Variants in CC2D2B observed in about 807,000 individuals in gnomAD.
CC2D2B encodes protein CC2D2B.
Under a neutral mutation model 161.2 loss-of-function variants are expected in CC2D2B, and 128 were observed. That is an observed-to-expected ratio of 0.79 (90% confidence interval 0.69 to 0.92). The LOEUF (loss-of-function observed/expected upper bound fraction) is 0.92. Among genes scored for constraint, CC2D2B ranks in the 40% least tolerant of loss-of-function variants. The pLI, the probability that CC2D2B is intolerant of heterozygous loss-of-function variation, is 0.00. For synonymous variants in CC2D2B, 391 were observed against 449.8 expected (o/e 0.87, Z 1.65); for missense variants, 1,173 against 1,375.1 (o/e 0.85, Z 2.32).
chr10:95,964,583 A>T (rs2076876813), intron 12 of CC2D2B, among the ~76,000 whole-genome samples: 2 of 152,154 alleles, frequency 1.3e-5, no homozygotes, highest in African/African-American at 2.4e-5. Context: ...TACTTAAATT[A>T]GTGCATTTAA....
chr10:96,008,613 C>T (rs2078858234), intron 25 of CC2D2B, among the ~76,000 whole-genome samples: 1 of 152,100 alleles, frequency 6.6e-6, no homozygotes, highest in African/African-American at 2.4e-5. Context: ...GGTGGTTTCT[C>T]ATTGTAGCTC....
chr10:96,025,176 TATATATATA>T (rs1564684030), intron 33 of CC2D2B, among the ~76,000 whole-genome samples: 15 of 10,274 alleles, frequency 1.5e-3, no homozygotes, highest in East Asian at 7.1e-3. Flanking sequence ...TATATATATA[TATATATATA>T]AAAAAAAATA....
intron 32 of CC2D2B, among the ~76,000 whole-genome samples, chr10:96,022,969 C>T (rs1008832362): frequency 2.0e-5 from 3 of 152,018 alleles, no homozygotes; most frequent in Non-Finnish European, 1.5e-5. Flanking sequence ...AGAATGGTCC[C>T]GACAGATAGC....
At chr10:95,934,791 G>A (rs1195889959) in intron 6 of CC2D2B, among the ~76,000 whole-genome samples, 5 of 152,312 alleles carry the variant, frequency 3.3e-5, no homozygotes, top group Non-Finnish European at 2.9e-5. Context: ...GGCCTTCTGC[G>A]TTAGTCTTGC....
intron 18 of CC2D2B, among the ~76,000 whole-genome samples, chr10:95,983,017 C>G (rs2077588379): frequency 6.6e-6 from 1 of 152,104 alleles, no homozygotes; most frequent in African/African-American, 2.4e-5. Context: ...GGTGATCCAC[C>G]TGCCATGGCC....
Position 96,032,594 on chromosome 10 carries a change from C to T in CC2D2B, c.*586C>T, listed in dbSNP as rs565003863. Reference sequence around the variant, plus strand: ...GATACAATTTCAGATGGAAGCTGCTCGAGTGGAAAACTAAGGTCATTGCCT... The same window carrying T: ...GATACAATTTCAGATGGAAGCTGCTTGAGTGGAAAACTAAGGTCATTGCCT... On this transcript the variant is annotated 3_prime_UTR_variant, in exon 35 of 35. Transcript: ENST00000646931. The T allele has an allele frequency of 9.7e-5, 31 of 320,632 alleles. No individual in the cohort carries two copies. The highest frequency in any genetic ancestry group is 6.1e-4 in the African/African-American group (28 of 46,026). The allele number at this position is 320,632 out of a possible 1,614,324, so 19.9% of individuals were successfully genotyped here.
intron 6 of CC2D2B, 71 bp from the exon 7 acceptor site, chr10:95,937,920 A>C: frequency 1.1e-6 from 1 of 912,406 alleles, no homozygotes; most frequent in Non-Finnish European, 1.7e-6. Flanking sequence ...GTTCCAGTAC[A>C]TTTCATTTAT....
At chr10:95,951,159 C>G (rs1177586688) in intron 10 of CC2D2B, among the ~76,000 whole-genome samples, 1 of 150,858 alleles carries the variant, frequency 6.6e-6, no homozygotes, top group Non-Finnish European at 1.5e-5. Context: ...ACCCACAGGA[C>G]TTAATCCATT....
chr10:96,003,410 C>T (rs796209751), intron 24 of CC2D2B, among the ~76,000 whole-genome samples: 43 of 131,230 alleles, frequency 3.3e-4, no homozygotes, highest in African/African-American at 1.2e-3. Flanking sequence ...AGAATAAATT[C>T]CGTTATTTAT....
intron 6 of CC2D2B, among the ~76,000 whole-genome samples, chr10:95,933,380 C>G (rs1017636260): frequency 6.6e-6 from 1 of 152,106 alleles, no homozygotes; most frequent in Non-Finnish European, 1.5e-5. Flanking sequence ...AAGCCTACTT[C>G]TGTCAATTCA....
At chr10:95,993,623 G>A (rs2078037072) in intron 22 of CC2D2B, among the ~76,000 whole-genome samples, 2 of 150,092 alleles carry the variant, frequency 1.3e-5, no homozygotes, top group South Asian at 2.1e-4. Context: ...TTCAAAGGCT[G>A]TTTTGTGAAA....
intron 25 of CC2D2B, among the ~76,000 whole-genome samples, chr10:96,008,956 TG>T (rs1368845546): frequency 4.6e-5 from 7 of 152,102 alleles, no homozygotes; most frequent in African/African-American, 1.7e-4. Context: ...CAACTCTGTT[TG>T]TAGGTTCATA....
upstream of CC2D2B, chr10:95,907,963 G>T (rs1322166650): frequency 6.6e-6 from 1 of 152,396 alleles, no homozygotes; most frequent in African/African-American, 2.4e-5. Context: ...CTGGCGCAGG[G>T]TGCGGTGGGG....
intron 22 of CC2D2B, among the ~76,000 whole-genome samples, chr10:95,994,746 C>T (rs1212669904): frequency 2.6e-5 from 4 of 152,122 alleles, no homozygotes; most frequent in Non-Finnish European, 5.9e-5. Context: ...CTATACCCGC[C>T]GGTCATTCCT....
intron 2 of CC2D2B, chr10:95,913,372 G>A (rs1566302722): frequency 2.6e-6 from 1 of 383,346 alleles, no homozygotes; most frequent in South Asian, 2.1e-5. Flanking sequence ...ATCTGTTGAT[G>A]GACACTTAGG....
intron 34 of CC2D2B, among the ~76,000 whole-genome samples, chr10:96,031,161 G>C (rs1474368126): frequency 1.3e-5 from 2 of 152,076 alleles, no homozygotes; most frequent in Non-Finnish European, 2.9e-5. Flanking sequence ...ATACAGTCTT[G>C]TACATCTGCA....
chr10:95,934,446 A>AAAC (rs1554830780), intron 6 of CC2D2B, among the ~76,000 whole-genome samples: 12 of 149,976 alleles, frequency 8.0e-5, no homozygotes, highest in Non-Finnish European at 1.6e-4. Context: ...TGAAAAAAAA[A>AAAC]AAACAAACAA....
chr10:96,005,828 G>A (rs957681514), intron 25 of CC2D2B, among the ~76,000 whole-genome samples: 6 of 152,118 alleles, frequency 3.9e-5, no homozygotes, highest in African/African-American at 1.4e-4. Flanking sequence ...AATCCCAGTA[G>A]CCACAGAAAG....
At chr10:95,957,171 A>C (rs1388428406) in intron 11 of CC2D2B, among the ~76,000 whole-genome samples, 1 of 152,126 alleles carries the variant, frequency 6.6e-6, no homozygotes, top group African/African-American at 2.4e-5. Context: ...CAGGAGCCCA[A>C]GGTAAGCAAA....
Sources: gnomAD v4.1 joint callset for allele counts (sites outside exome capture counted in the v4.1 genomes callset) on GRCh38, gnomAD v4.1.1 for gene constraint, MANE v1.5 for transcripts, NCBI Gene and HGNC (gene_info 2026-07-23, HGNC 2026-07-21) for gene names.